The following LMO3 variants were observed in gnomAD, a reference collection of about 807,000 sequenced individuals.
LMO3 encodes the protein LIM domain only protein 3.
In LMO3, 2 loss-of-function variants were observed where a neutral mutation model predicts 15.8. That is an observed-to-expected ratio of 0.13 (90% CI 0.05 to 0.40). The LOEUF is 0.40. Ranked by LOEUF, LMO3 falls within the 10% of genes least tolerant of loss-of-function variation. The pLI is 0.99. For synonymous variants in LMO3, 62 were observed against 63.8 expected (o/e 0.97, Z 0.13); for missense variants, 86 against 182.2 (o/e 0.47, Z 3.04).
In LMO3 at chr12:16,550,982, G is replaced by C. The variant is rs1395177677; in HGVS notation, c.*240C>G. The C allele has an allele frequency of 1.2e-5, 5 of 411,162 alleles. No individual in the cohort carries two copies. The highest frequency in any genetic ancestry group is 2.2e-5 in the Non-Finnish European group (5 of 227,666). The allele number at this position is 411,162 out of a possible 1,614,324, so 25.5% of individuals were successfully genotyped here. A position where few individuals can be genotyped will look rare whatever the true frequency, so the allele number is the denominator to read the frequency against. On this transcript the variant is annotated 3_prime_UTR_variant, in exon 4 of 4. Coordinates refer to ENST00000537304, the MANE Select transcript of LMO3 (RefSeq NM_018640.5). ...ATGCCAAGTGACACAAAAACGAATA[G>C]CAAGCAAAAAAATCCAGCCATATGT...
At position 16,549,630 on chromosome 12, in the gene LMO3, C is replaced by A. The variant is rs184298778; in HGVS notation, c.*1592G>T. 127 of 152,068 alleles carry A rather than the reference C, an allele frequency of 8.4e-4. No individual in the cohort carries two copies. Among genetic ancestry groups the A allele is most frequent in the Non-Finnish European group, 1.2e-3 (80 of 67,870 alleles). 9.4% of individuals were successfully genotyped at this position (152,068 alleles called of 1,614,324 possible). A position where few individuals can be genotyped will look rare whatever the true frequency, so the allele number is the denominator to read the frequency against. On this transcript the variant is annotated 3_prime_UTR_variant, in exon 4 of 4. Coordinates refer to ENST00000537304, the MANE Select transcript of LMO3 (RefSeq NM_018640.5). Reference sequence around the variant, plus strand: ...AAATATTGTTTCCTATACAAGTGATCAAGAAAAAAACAAAGAAAAAGAAAA... The same window carrying A: ...AAATATTGTTTCCTATACAAGTGATAAAGAAAAAAACAAAGAAAAAGAAAA...
In LMO3 at chr12:16,559,982, T is replaced by C. The variant is rs1942333709; in HGVS notation, c.332+431A>G. ...ATTTAAAAAAGCAAAAACAAAAACA[T>C]GAGGGATAAGGAATTTAAAATATAA... On this transcript the variant is annotated intron_variant, in intron 3 of 3. Coordinates refer to ENST00000537304, the MANE Select transcript of LMO3 (RefSeq NM_018640.5). This position sits in a 1 kb window ranked among gnomAD's most constrained non-coding sequence, Gnocchi z 4.1. 6.6e-6 allele frequency among the ~76,000 whole-genome samples: 1 copy of C among 151,268 alleles called. No individual in the cohort carries two copies. The highest frequency in any genetic ancestry group is 1.5e-5 in the Non-Finnish European group (1 of 67,796).
chr12:16,550,976 C>T lies in LMO3; in HGVS notation c.*246G>A, dbSNP rs978786860. ...CATCTCATGCCAAGTGACACAAAAA[C>T]GAATAGCAAGCAAAAAAATCCAGCC... On this transcript the variant is annotated 3_prime_UTR_variant, in exon 4 of 4. Coordinates refer to ENST00000537304, the MANE Select transcript of LMO3 (RefSeq NM_018640.5). 8 of 401,224 alleles carry T rather than the reference C, an allele frequency of 2.0e-5. No homozygotes were observed. Among genetic ancestry groups the T allele is most frequent in the East Asian group, 7.3e-5 (2 of 27,548 alleles). The allele number at this position is 401,224 out of a possible 1,614,324, so 24.9% of individuals were successfully genotyped here. A position where few individuals can be genotyped will look rare whatever the true frequency, so the allele number is the denominator to read the frequency against.
chr12:16,570,303 T>G (rs1216251177), intron 2 of LMO3, among the ~76,000 whole-genome samples: 1 of 152,172 alleles, frequency 6.6e-6, no homozygotes, highest in Non-Finnish European at 1.5e-5. Context: ...AGACTCATAA[T>G]TACCTTCTTT....
At position 16,604,857 on chromosome 12, in the gene LMO3, A is replaced by T. The variant is rs775452748; in HGVS notation, c.-9+1209T>A. ...GCAAAGTGCATCTATGATAGACTGT[A>T]ACCTTACCAAAACTTTTCTCCTTTT... On this transcript the variant is annotated intron_variant, in intron 1 of 3. Coordinates refer to ENST00000537304, the MANE Select transcript of LMO3 (RefSeq NM_018640.5). The surrounding 1 kb of genome is among the most constrained non-coding windows in gnomAD (Gnocchi z 5.3). 1.4e-5 allele frequency: 22 copies of T among 1,598,428 alleles called. No individual in the cohort carries two copies. The highest frequency in any genetic ancestry group is 1.8e-5 in the Non-Finnish European group (21 of 1,179,772).
At position 16,597,734 on chromosome 12, in the gene LMO3, G is replaced by T. The variant is rs1407455816; in HGVS notation, c.206+2921C>A. On this transcript the variant is annotated intron_variant, in intron 2 of 3. Coordinates refer to ENST00000537304, the MANE Select transcript of LMO3 (RefSeq NM_018640.5). This position sits in a 1 kb window ranked among gnomAD's most constrained non-coding sequence, Gnocchi z 5.0. ...TTTATGTTCAGTTTGGTGCCTCAGA[G>T]AAATTACATAATATCAAAGGGCCAA... is the stretch of plus-strand genomic sequence containing the variant. 1 of 151,662 alleles carries T rather than the reference G, an allele frequency of 6.6e-6. No homozygotes were observed. The highest frequency in any genetic ancestry group is 1.5e-5 in the Non-Finnish European group (1 of 67,788). 9.4% of individuals were successfully genotyped at this position (151,662 alleles called of 1,614,324 possible).
intron 2 of LMO3, chr12:16,600,064 T>C (rs1027028932): frequency 6.6e-6 from 1 of 152,324 alleles, no homozygotes; most frequent in Non-Finnish European, 1.5e-5. Flanking sequence ...CACTAATAGA[T>C]ATTAACCAAG....
At chr12:16,572,150 A>G (rs916557982) in intron 2 of LMO3, among the ~76,000 whole-genome samples, 3 of 151,918 alleles carry the variant, frequency 2.0e-5, no homozygotes, top group African/African-American at 7.2e-5. Flanking sequence ...TTAAAACTTG[A>G]TGCTTTCCAT....
intron 3 of LMO3, among the ~76,000 whole-genome samples, chr12:16,554,763 T>G (rs1427625600): frequency 6.6e-6 from 1 of 152,156 alleles, no homozygotes; most frequent in South Asian, 2.1e-4. Flanking sequence ...TTCCCGCCAT[T>G]CTCCTGCCTC....
rs1166762352 is a variant in LMO3 at position 16,596,243 on chromosome 12, TTTAG to T, written c.206+4408_206+4411del. On this transcript the variant is annotated intron_variant, in intron 2 of 3. Transcript: ENST00000537304. This position sits in a 1 kb window ranked among gnomAD's most constrained non-coding sequence, Gnocchi z 4.3. ...GTCAGCATAGCAAGCTTCAAATCATTTTAGTTAATTAGCAACTATGGTGAAGCAT... is the reference window on the plus strand; with the variant it reads ...GTCAGCATAGCAAGCTTCAAATCATTTTAATTAGCAACTATGGTGAAGCAT... Among the ~76,000 whole-genome samples the T allele has an allele frequency of 2.0e-5, 3 of 151,520 alleles. No homozygotes were observed. The highest frequency in any genetic ancestry group is 4.4e-5 in the Non-Finnish European group (3 of 67,564).
chr12:16,600,794 G>A lies in LMO3; in HGVS notation c.67C>T (p.Arg23Trp). The stretch of plus-strand genomic sequence containing the variant: ...TTGTCCAGTGCCTTTAGAAGATACC[G>A]GTCCTTGATCTTTCGGTTGCAGCCA... ...CAGCNRKIKD[R>W]YLLKALDKYW... Residue 23 changes from arginine to tryptophan, a missense_variant, in exon 2 of 4, where the codon CGG (arginine) becomes TGG (tryptophan). Physicochemically the swap from Arg to Trp is moderately radical, Grantham distance 101 (BLOSUM62 -3). This residue lies in a region of LMO3 where 51 missense variants were observed against 140.3 expected (regional missense o/e 0.36). Transcript: ENST00000537304. The A allele has an allele frequency of 6.2e-7, 1 of 1,614,088 alleles. No homozygotes were observed. The highest frequency in any genetic ancestry group is 1.1e-5 in the South Asian group (1 of 91,084).
chr12:16,596,249 T>C lies in LMO3; in HGVS notation c.206+4406A>G, dbSNP rs1474160959. On this transcript the variant is annotated intron_variant, in intron 2 of 3. Transcript: ENST00000537304. The surrounding 1 kb of genome is among the most constrained non-coding windows in gnomAD (Gnocchi z 4.3). ...ATAGCAAGCTTCAAATCATTTTAGT[T>C]AATTAGCAACTATGGTGAAGCATGA... 6.6e-6 allele frequency among the ~76,000 whole-genome samples: 1 copy of C among 151,590 alleles called. No homozygotes were observed. Among genetic ancestry groups the C allele is most frequent in the South Asian group, 2.1e-4 (1 of 4,830 alleles).
At chr12:16,590,067 C>G (rs1035973177) in intron 2 of LMO3, among the ~76,000 whole-genome samples, 1 of 152,014 alleles carries the variant, frequency 6.6e-6, no homozygotes, top group Non-Finnish European at 1.5e-5. Context: ...ATATCCCAGC[C>G]CATTTTATAA....
At chr12:16,564,271 A>C (rs1459659425) in intron 2 of LMO3, among the ~76,000 whole-genome samples, 171 of 152,336 alleles carry the variant, frequency 1.1e-3, no homozygotes, top group African/African-American at 3.9e-3. Context: ...ATGCACAGAG[A>C]AATATTTAAT....
At chr12:16,553,105 T>C (rs528462291) in intron 3 of LMO3, among the ~76,000 whole-genome samples, 5 of 152,268 alleles carry the variant, frequency 3.3e-5, no homozygotes, top group African/African-American at 1.2e-4. Context: ...GCTTACCATG[T>C]GCTAAATGCT....
rs1943971364 is a variant in LMO3 at position 16,605,697 on chromosome 12, C to G, written c.-9+369G>C. On this transcript the variant is annotated intron_variant, in intron 1 of 3. Coordinates refer to ENST00000537304, the MANE Select transcript of LMO3 (RefSeq NM_018640.5). ...TTCCAAACTCTCCCTGCCCCTCTCT[C>G]CCCGGGAGTCAGGGGTGTGGAAATA... 3.6e-6 allele frequency: 5 copies of G among 1,399,332 alleles called. No homozygotes were observed. The South Asian group carries it at 6.2e-5, about 17-fold the overall frequency. The allele number at this position is 1,399,332 out of a possible 1,614,324, so 86.7% of individuals were successfully genotyped here.
chr12:16,605,455 AT>A, intron 1 of LMO3: 1 of 503,310 alleles, frequency 2.0e-6, no homozygotes, highest in Non-Finnish European at 2.2e-6. Flanking sequence ...CCCCGCCCCC[AT>A]GCCCAAACAC....
chr12:16,567,784 T>C (rs184494487), intron 2 of LMO3, among the ~76,000 whole-genome samples: 40 of 152,052 alleles, frequency 2.6e-4, no homozygotes, highest in South Asian at 8.3e-4. Flanking sequence ...CCTCAGAATA[T>C]CATCCCTCTC....
At chr12:16,561,859 A>G (rs1397435049) in intron 2 of LMO3, among the ~76,000 whole-genome samples, 1 of 152,232 alleles carries the variant, frequency 6.6e-6, no homozygotes, top group African/African-American at 2.4e-5. Context: ...TTGAAGGTAG[A>G]AACAATAAAT....
Sources: allele counts gnomAD v4.1 joint callset (sites outside exome capture counted in the v4.1 genomes callset), GRCh38; gene constraint gnomAD v4.1.1; regional missense constraint gnomAD v4.1.1; non-coding constraint Gnocchi (gnomAD v3.1); transcripts MANE v1.5; gene names NCBI Gene and HGNC (gene_info 2026-07-23, HGNC 2026-07-21).